The following PCDH15 variants were observed in gnomAD, a reference collection of about 807,000 sequenced individuals.
PCDH15 encodes the protein protocadherin-15.
PCDH15 carries 129 observed loss-of-function variants against 178.5 expected under a neutral mutation model. That is an observed-to-expected ratio of 0.72 (90% CI 0.63 to 0.84). The LOEUF (loss-of-function observed/expected upper bound fraction) is 0.84, where lower values mean the gene tolerates loss of function less well. Ranked by LOEUF, PCDH15 falls within the 40% of genes least tolerant of loss-of-function variation. The pLI is 0.00. For missense variants in PCDH15, 2,230 were observed against 2,099.9 expected, an observed-to-expected ratio of 1.06 and a Z score of -1.21; for synonymous variants, 800 against 732.0, an observed-to-expected ratio of 1.09 and a Z score of -1.50.
intron 3 of PCDH15, among the ~76,000 whole-genome samples, chr10:54,873,935 C>A (rs1050831981): frequency 1.3e-5 from 2 of 150,034 alleles, no homozygotes; most frequent in Non-Finnish European, 3.0e-5. Context: ...AATACCATTA[C>A]TTTCAGTTTT....
At chr10:54,619,919 C>A (rs2093303040) in intron 2 of PCDH15, among the ~76,000 whole-genome samples, 1 of 150,776 alleles carries the variant, frequency 6.6e-6, no homozygotes, top group South Asian at 2.1e-4. Flanking sequence ...ACAAATCCAA[C>A]CCACACCTGA....
At chr10:54,099,633 T>A (rs1049135050) in intron 15 of PCDH15, among the ~76,000 whole-genome samples, 8 of 151,376 alleles carry the variant, frequency 5.3e-5, no homozygotes, top group Non-Finnish European at 1.2e-4. Flanking sequence ...TAAAAATATG[T>A]AATCCAATTT....
intron 25 of PCDH15, among the ~76,000 whole-genome samples, chr10:53,908,115 T>C (rs918690576): frequency 9.9e-5 from 15 of 152,170 alleles, no homozygotes; most frequent in African/African-American, 3.6e-4. Context: ...GGGATCAATT[T>C]GGCTGCTCTA....
intron 1 of PCDH15, among the ~76,000 whole-genome samples, chr10:54,773,423 C>G (rs1460872776): frequency 6.6e-6 from 1 of 152,144 alleles, no homozygotes; most frequent in South Asian, 2.1e-4. Flanking sequence ...GATTTAAATT[C>G]TCTACCTTCA....
At chr10:54,121,279 G>A (rs1031774243) in intron 15 of PCDH15, among the ~76,000 whole-genome samples, 8 of 152,040 alleles carry the variant, frequency 5.3e-5, no homozygotes, top group East Asian at 1.9e-4. Flanking sequence ...AAATCTCTGG[G>A]ATGTTGCAAA....
At chr10:54,163,564 C>T (rs1437482247) in intron 13 of PCDH15, among the ~76,000 whole-genome samples, 2 of 152,114 alleles carry the variant, frequency 1.3e-5, no homozygotes, top group African/African-American at 4.8e-5. Context: ...AGGTTCACAA[C>T]TCAAGGTGAG....
intron 2 of PCDH15, chr10:55,506,102 T>C (rs779884648): frequency 1.9e-4 from 29 of 151,386 alleles, no homozygotes; most frequent in Non-Finnish European, 4.0e-4. Context: ...TGACATCAGA[T>C]TGATTCTAGT....
chr10:55,411,797 AT>A (rs1222445512), intron 2 of PCDH15, among the ~76,000 whole-genome samples: 5 of 152,122 alleles, frequency 3.3e-5, no homozygotes, highest in Non-Finnish European at 7.4e-5. Flanking sequence ...TGAATCTATT[AT>A]GTCTTAGGCA....
chr10:55,261,832 T>C (rs944186031), intron 1 of PCDH15, among the ~76,000 whole-genome samples: 10 of 152,272 alleles, frequency 6.6e-5, no homozygotes, highest in South Asian at 2.1e-4. Flanking sequence ...TCATTCACTA[T>C]TAGATTGTCT....
At chr10:53,818,060 C>T (rs370823744) in intron 33 of PCDH15, 47 bp from the exon 34 acceptor site, 15 of 397,766 alleles carry the variant, frequency 3.8e-5, no homozygotes, top group East Asian at 2.9e-4. Context: ...CTTAGATTTT[C>T]GTTATTAAAC....
intron 3 of PCDH15, among the ~76,000 whole-genome samples, chr10:54,488,368 T>A (rs2079284723): frequency 6.6e-6 from 1 of 151,910 alleles, no homozygotes; most frequent in Non-Finnish European, 1.5e-5. Flanking sequence ...ATTCCTTTGA[T>A]TCTTATTTTT....
At chr10:54,299,368 G>C (rs2060011817) in intron 8 of PCDH15, among the ~76,000 whole-genome samples, 1 of 152,066 alleles carries the variant, frequency 6.6e-6, no homozygotes, top group African/African-American at 2.4e-5. Context: ...AAGTCAAAGA[G>C]AGAGAAAGAG....
In PCDH15 at chr10:54,961,044, T is replaced by A. The variant is rs141766801; in HGVS notation, c.-79-63544A>T. Among the ~76,000 whole-genome samples, 30 of 152,332 alleles carry A rather than the reference T, an allele frequency of 2.0e-4. No individual in the cohort carries two copies. In the East Asian group the frequency reaches 5.8e-3, roughly 29 times the overall value. ...AATAAGAAAGAATTTAATAAAAGTA[T>A]TTAGAACACTGCAGGAAAAATATAT... On this transcript the variant is annotated intron_variant, in intron 2 of 5. Transcript: ENST00000458638.
chr10:54,473,759 T>A (rs2078081843), intron 3 of PCDH15, among the ~76,000 whole-genome samples: 1 of 151,884 alleles, frequency 6.6e-6, no homozygotes, highest in Admixed American at 6.6e-5. Flanking sequence ...AAACAAGAAA[T>A]ACATGAGTAA....
intron 2 of PCDH15, among the ~76,000 whole-genome samples, chr10:54,654,667 T>G (rs77827918): frequency 0.017 from 2,554 of 152,290 alleles, 64 homozygotes; most frequent in African/African-American, 0.056. Flanking sequence ...GTATAAGTCA[T>G]TGATGACTCA....
chr10:54,075,605 A>G (rs142883403), intron 17 of PCDH15, among the ~76,000 whole-genome samples: 54 of 152,104 alleles, frequency 3.6e-4, no homozygotes, highest in Admixed American at 2.1e-3. Context: ...CTTTTGCCCT[A>G]TGTTTTCTTC....
chr10:54,808,978 C>T (rs930810449), intron 3 of PCDH15, among the ~76,000 whole-genome samples: 55 of 150,858 alleles, frequency 3.6e-4, no homozygotes, highest in African/African-American at 1.2e-3. Context: ...TGTATTAAGA[C>T]GCTACCCTAA....
chr10:54,804,898 T>C (rs562323678), upstream of PCDH15, among the ~76,000 whole-genome samples: 1 of 109,486 alleles, frequency 9.1e-6, no homozygotes, highest in East Asian at 2.8e-4. Context: ...TTTAATTTTT[T>C]TGGAATCTTG....
rs1041695117 is a variant in PCDH15 at position 53,806,834 on chromosome 10, C to G, written c.4968G>C (p.Lys1656Asn). 1 of 1,613,898 alleles carries G rather than the reference C, an allele frequency of 6.2e-7. No homozygotes were observed. The highest frequency in any genetic ancestry group is 8.5e-7 in the Non-Finnish European group (1 of 1,179,826). The change falls in exon 38 of 38, where the codon AAG (lysine) becomes AAC (asparagine). Residue 1656 changes from lysine to asparagine, a missense_variant. By Grantham distance (94) the Lys-to-Asn change is moderately conservative. Transcript: ENST00000644397. ...EENVPLNTLSKGPFSTEKMNA... is the reference protein window; with the variant it reads ...EENVPLNTLSNGPFSTEKMNA... ...TCATTTTTTCAGTAGAAAATGGCCC[C>G]TTTGATAATGTGTTCAGAGGTACAT... is the stretch of plus-strand genomic sequence containing the variant.
Sources: allele counts gnomAD v4.1 joint callset (sites outside exome capture counted in the v4.1 genomes callset), GRCh38; gene constraint gnomAD v4.1.1; transcripts MANE v1.5; gene names NCBI Gene and HGNC (gene_info 2026-07-23, HGNC 2026-07-21).